Variants in ZBBX observed in about 807,000 individuals in gnomAD.
The protein encoded by ZBBX is zinc finger B-box domain-containing protein 1.
Under a neutral mutation model 108.5 loss-of-function variants are expected in ZBBX, and 101 were observed. The ratio of observed to expected loss-of-function variants is 0.93; its 90% CI spans 0.79 to 1.10. ZBBX has a LOEUF of 1.10. Among genes scored for constraint, ZBBX ranks in the 50% least tolerant of loss-of-function variants. ZBBX has a pLI of 0.00. For synonymous variants in ZBBX, 356 were observed against 323.4 expected (o/e 1.10, Z -1.08); for missense variants, 1,009 against 941.4 (o/e 1.07, Z -0.94).
rs1337479785 is a variant in ZBBX at position 167,305,773 on chromosome 3, A to G, written c.1595T>C (p.Leu532Ser). 3 of 1,612,974 alleles carry G rather than the reference A, an allele frequency of 1.9e-6. No homozygotes were observed. The highest frequency in any genetic ancestry group is 1.7e-5 in the Admixed American group (1 of 59,896). Residue 532 changes from leucine to serine, a missense_variant, in exon 17 of 22, where the codon TTG (leucine) becomes TCG (serine). Coordinates refer to ENST00000675490, the MANE Select transcript of ZBBX (RefSeq NM_001199201.2). Reference protein sequence around the residue: ...SCVSLESKDTLLGRDLEKAPI... With the variant: ...SCVSLESKDTSLGRDLEKAPI... ...AGCTTTTTCTAAATCTCTACCTAGCAAAGTGTCCTTGCTTTCAAGTGATAC... is the reference window on the plus strand; with the variant it reads ...AGCTTTTTCTAAATCTCTACCTAGCGAAGTGTCCTTGCTTTCAAGTGATAC...
At chr3:167,184,386 G>A in the ZBBX span, among the ~76,000 whole-genome samples, 1 of 152,024 alleles carries the variant, frequency 6.6e-6, no homozygotes, top group African/African-American at 2.4e-5. Context: ...AGAGATAGTT[G>A]GCCAGGCTGG....
chr3:167,251,529 G>A lies in ZBBX; in HGVS notation c.2255-8886C>T, dbSNP rs115381018. Among the ~76,000 whole-genome samples the A allele has an allele frequency of 6.1e-3, 931 of 152,238 alleles. 6 individuals carry two copies. The highest frequency in any genetic ancestry group is 0.022 in the African/African-American group (902 of 41,554). On this transcript the variant is annotated intron_variant, in intron 20 of 21. Transcript: ENST00000675490. ...TGAAGAAGTGAGCCACACCCCCATC[G>A]CACGCCCTGTGAGGGGGACGGGGGA...
chr3:167,293,664 C>T (rs571187056), intron 18 of ZBBX, among the ~76,000 whole-genome samples: 1 of 152,288 alleles, frequency 6.6e-6, no homozygotes, highest in African/African-American at 2.4e-5. Flanking sequence ...GTCATCACTC[C>T]TATTCAACAT....
At chr3:167,284,027 G>C (rs1039331280) in intron 19 of ZBBX, among the ~76,000 whole-genome samples, 18 of 151,848 alleles carry the variant, frequency 1.2e-4, no homozygotes, top group Non-Finnish European at 2.1e-4. Flanking sequence ...AAGTCTCAAA[G>C]GGTACCAACT....
intron 6 of ZBBX, among the ~76,000 whole-genome samples, chr3:167,364,440 G>A (rs138284298): frequency 4.0e-5 from 6 of 151,838 alleles, no homozygotes; most frequent in Admixed American, 2.0e-4. Flanking sequence ...ATTTTACTTC[G>A]CCATTCTTTT....
chr3:167,193,031 T>C, the ZBBX span, among the ~76,000 whole-genome samples: 1 of 152,172 alleles, frequency 6.6e-6, no homozygotes, highest in African/African-American at 2.4e-5. Flanking sequence ...TTCGTTTTTG[T>C]GGGTGTACAC....
At chr3:167,265,576 A>G (rs560074772) in intron 20 of ZBBX, among the ~76,000 whole-genome samples, 31 of 152,162 alleles carry the variant, frequency 2.0e-4, no homozygotes, top group Non-Finnish European at 3.8e-4. Context: ...GCTCTCCCTT[A>G]GCTGTGCCAG....
At chr3:167,238,513 G>A (rs549672980), downstream of ZBBX, among the ~76,000 whole-genome samples, 9 of 152,092 alleles carry the variant, frequency 5.9e-5, no homozygotes, top group South Asian at 2.1e-4. Flanking sequence ...GTCAGTAGAC[G>A]ATGTGTGTGA....
chr3:167,329,671 A>G (rs941195596), intron 10 of ZBBX, among the ~76,000 whole-genome samples: 1 of 152,210 alleles, frequency 6.6e-6, no homozygotes, highest in African/African-American at 2.4e-5. Flanking sequence ...TGGGAGTCAA[A>G]CAGCATTGGT....
the ZBBX span, among the ~76,000 whole-genome samples, chr3:167,207,176 T>C: frequency 6.6e-6 from 1 of 152,142 alleles, no homozygotes; most frequent in African/African-American, 2.4e-5. Flanking sequence ...ATCACTGAAA[T>C]GAAAAGGCAG....
At chr3:167,355,062 A>C (rs1401984635) in intron 8 of ZBBX, among the ~76,000 whole-genome samples, 1 of 152,018 alleles carries the variant, frequency 6.6e-6, no homozygotes, top group Non-Finnish European at 1.5e-5. Context: ...TGGAATATCC[A>C]ACTGCAGTTT....
At chr3:167,271,797 G>A (rs1279794601) in intron 20 of ZBBX, among the ~76,000 whole-genome samples, 2 of 152,216 alleles carry the variant, frequency 1.3e-5, no homozygotes, top group Non-Finnish European at 2.9e-5. Context: ...AATGCCCCCA[G>A]TTGCTCATCT....
At chr3:167,205,873 G>A in the ZBBX span, among the ~76,000 whole-genome samples, 2 of 151,972 alleles carry the variant, frequency 1.3e-5, no homozygotes, top group African/African-American at 4.8e-5. Flanking sequence ...TAGTTAGATT[G>A]GGCAGTTAGA....
chr3:167,189,699 T>C, the ZBBX span, among the ~76,000 whole-genome samples: 1 of 152,212 alleles, frequency 6.6e-6, no homozygotes, highest in African/African-American at 2.4e-5. Flanking sequence ...ACTTCCCATA[T>C]AACCCCATCC....
At chr3:167,249,581 C>G (rs1722210936) in intron 20 of ZBBX, among the ~76,000 whole-genome samples, 1 of 152,164 alleles carries the variant, frequency 6.6e-6, no homozygotes, top group African/African-American at 2.4e-5. Context: ...CTAGTAAGGT[C>G]CAGGTCCCCT....
At chr3:167,367,495 C>T (rs1745495746) in intron 5 of ZBBX, among the ~76,000 whole-genome samples, 1 of 151,266 alleles carries the variant, frequency 6.6e-6, no homozygotes, top group South Asian at 2.1e-4. Context: ...CTTATCACAT[C>T]AATGCATTCT....
At chr3:167,371,516 T>C (rs143680305) in intron 4 of ZBBX, among the ~76,000 whole-genome samples, 150 of 152,326 alleles carry the variant, frequency 9.8e-4, no homozygotes, top group African/African-American at 3.4e-3. Context: ...TCATATTCTC[T>C]CTAAGCTTTC....
In ZBBX at chr3:167,350,512, A is replaced by T. The variant is rs758281753; in HGVS notation, c.436T>A (p.Cys146Ser). The change falls in exon 9 of 22, where the codon TGC (cysteine) becomes AGC (serine). Residue 146 changes from cysteine (C) to serine (S), a missense_variant. Cys to Ser is a moderately radical substitution (Grantham distance 112, BLOSUM62 -1). Coordinates refer to ENST00000675490, the MANE Select transcript of ZBBX (RefSeq NM_001199201.2). ...CAATAATCTTCTCCACATTCAAGGC[A>T]TACCTAAAAAGATATTTTTTAAAAA... is the stretch of plus-strand genomic sequence containing the variant. ...QCENKAALLV[C>S]LECGEDYCSG... 7 of 1,570,452 alleles carry T rather than the reference A, an allele frequency of 4.5e-6. No individual in the cohort carries two copies. Among genetic ancestry groups the T allele is most frequent in the Non-Finnish European group, 6.1e-6 (7 of 1,156,712 alleles).
At chr3:167,189,599 G>A in the ZBBX span, among the ~76,000 whole-genome samples, 2 of 152,042 alleles carry the variant, frequency 1.3e-5, no homozygotes, top group African/African-American at 2.4e-5. Context: ...TCAGAATATT[G>A]TCTACTTCAT....
Sources: gnomAD v4.1 joint callset for allele counts (sites outside exome capture counted in the v4.1 genomes callset) on GRCh38, gnomAD v4.1.1 for gene constraint, MANE v1.5 for transcripts, NCBI Gene and HGNC (gene_info 2026-07-23, HGNC 2026-07-21) for gene names.